MAN2A1: variants seen among roughly 807,000 people sequenced by gnomAD.
The protein encoded by MAN2A1 is mannosidase alpha class 2A member 1.
In MAN2A1, 76 loss-of-function variants were observed where a neutral mutation model predicts 142.6. The ratio of observed to expected loss-of-function variants is 0.53; its 90% confidence interval spans 0.44 to 0.65. MAN2A1 has a LOEUF of 0.65. MAN2A1 is among the 30% of genes least tolerant of loss of function. The probability of loss-of-function intolerance (pLI) is 0.00; values close to 1 mark genes in which losing one functional copy is unlikely to be tolerated. For synonymous variants in MAN2A1, 559 were observed against 473.2 expected, an observed-to-expected ratio of 1.18 and a Z score of -2.35; for missense variants, 1,311 against 1,365.1, an observed-to-expected ratio of 0.96 and a Z score of 0.62.
At chr5:109,731,768 A>G (rs1751920173) in intron 4 of MAN2A1, among the ~76,000 whole-genome samples, 1 of 151,674 alleles carries the variant, frequency 6.6e-6, no homozygotes, top group Non-Finnish European at 1.5e-5. Context: ...TCATTGTTGG[A>G]CATTTGGATT....
chr5:109,842,414 G>A lies in MAN2A1; in HGVS notation c.2653G>A (p.Asp885Asn), dbSNP rs145282122. The A allele has an allele frequency of 6.3e-6, 10 of 1,587,686 alleles. No homozygotes were observed. The African/African-American group carries it at 1.2e-4, about 19-fold the overall frequency. The change falls in exon 17 of 22, where the codon GAT (aspartate) becomes AAT (asparagine). Residue 885 changes from aspartate (D) to asparagine (N), a missense_variant. Physicochemically the swap from Asp to Asn is conservative, Grantham distance 23 (BLOSUM62 1). Transcript: ENST00000261483. ...TGAGATTGCAATGAAAATTTCTTCT[G>A]ATATAAAAAGCCAAAATAGATTTTA... The part of the protein sequence containing the change: ...NREIAMKISS[D>N]IKSQNRFYTD...
intron 3 of MAN2A1, among the ~76,000 whole-genome samples, chr5:109,727,656 C>A (rs1751783039): frequency 1.3e-5 from 2 of 152,014 alleles, no homozygotes; most frequent in South Asian, 4.2e-4. Context: ...TTTTTATTTC[C>A]CCTTTACCTA....
intron 4 of MAN2A1, among the ~76,000 whole-genome samples, chr5:109,747,129 C>T (rs1752429227): frequency 2.0e-5 from 3 of 152,120 alleles, no homozygotes; most frequent in Non-Finnish European, 2.9e-5. Flanking sequence ...TATGAGTGTG[C>T]AGATATCTGT....
chr5:109,694,081 G>A (rs980256978), intron 1 of MAN2A1, among the ~76,000 whole-genome samples: 2 of 152,200 alleles, frequency 1.3e-5, no homozygotes, highest in African/African-American at 4.8e-5. Context: ...TAATTAGTCT[G>A]ATGTTTGGAT....
intron 16 of MAN2A1, among the ~76,000 whole-genome samples, chr5:109,829,635 C>G (rs890227420): frequency 1.3e-5 from 2 of 152,158 alleles, no homozygotes; most frequent in African/African-American, 4.8e-5. Flanking sequence ...ATTCCATCTC[C>G]TGTTACAATT....
intron 3 of MAN2A1, among the ~76,000 whole-genome samples, chr5:109,718,160 AGTGAT>A (rs1425840843): frequency 2.6e-4 from 40 of 152,244 alleles, no homozygotes; most frequent in African/African-American, 9.6e-4. Context: ...TAATTGGGAG[AGTGAT>A]GTGATTCCAT....
At chr5:109,727,388 T>A (rs1461379770) in intron 3 of MAN2A1, among the ~76,000 whole-genome samples, 1 of 152,072 alleles carries the variant, frequency 6.6e-6, no homozygotes, top group East Asian at 1.9e-4. Flanking sequence ...TATAAGTACA[T>A]CAATAGTCAT....
intron 5 of MAN2A1, among the ~76,000 whole-genome samples, chr5:109,762,867 T>C (rs1223040025): frequency 1.3e-5 from 2 of 152,174 alleles, no homozygotes; most frequent in African/African-American, 2.4e-5. Flanking sequence ...TTGAATTGGC[T>C]TTATTAAGCA....
intron 12 of MAN2A1, among the ~76,000 whole-genome samples, chr5:109,791,987 T>C (rs758806686): frequency 5.9e-5 from 9 of 152,162 alleles, no homozygotes; most frequent in Non-Finnish European, 1.3e-4. Flanking sequence ...ATATGCCTAA[T>C]TTAGTTCACA....
chr5:109,807,369 A>G (rs536612285), intron 12 of MAN2A1, among the ~76,000 whole-genome samples: 14 of 152,322 alleles, frequency 9.2e-5, no homozygotes, highest in African/African-American at 3.4e-4. Context: ...ATAAATTACC[A>G]ACAAACTTAA....
At chr5:109,846,359 C>T (rs549631023) in intron 18 of MAN2A1, among the ~76,000 whole-genome samples, 57 of 152,238 alleles carry the variant, frequency 3.7e-4, no homozygotes, top group African/African-American at 1.2e-3. Flanking sequence ...AAGTTGCCTA[C>T]GTTTGCAAAG....
chr5:109,820,317 T>G lies in MAN2A1; in HGVS notation c.2426T>G (p.Leu809Arg), dbSNP rs1171150779. ...TIKRDKSGAY[L>R]FLPDGNAKPY... ...AAAAGAGACAAAAGTGGTGCCTACC[T>G]CTTCTTACCTGATGGTAATGCCAAG... is the stretch of plus-strand genomic sequence containing the variant. The change falls in exon 15 of 22, where the codon CTC (leucine) becomes CGC (arginine). Residue 809 changes from leucine (L) to arginine (R), a missense_variant. This residue lies in a region of MAN2A1 where 890 missense variants were observed against 920.5 expected (regional missense o/e 0.97). Coordinates refer to ENST00000261483, the MANE Select transcript of MAN2A1 (RefSeq NM_002372.4). 14 of 1,613,050 alleles carry G rather than the reference T, an allele frequency of 8.7e-6. No individual in the cohort carries two copies. Among genetic ancestry groups the G allele is most frequent in the Non-Finnish European group, 1.1e-5 (13 of 1,179,466 alleles).
chr5:109,755,129 G>C (rs901052390), intron 4 of MAN2A1, among the ~76,000 whole-genome samples, 200 bp from the exon 5 acceptor site: 5 of 152,298 alleles, frequency 3.3e-5, no homozygotes, highest in African/African-American at 9.6e-5. Flanking sequence ...CTGCAGAAGG[G>C]CAGGGGTTAC....
intron 4 of MAN2A1, among the ~76,000 whole-genome samples, chr5:109,735,372 A>G (rs1258568860): frequency 1.3e-5 from 2 of 152,254 alleles, no homozygotes; most frequent in Admixed American, 6.5e-5. Context: ...GTCTATTTAC[A>G]TTTAAAGTTA....
chr5:109,808,147 T>C (rs1754220669), intron 12 of MAN2A1, among the ~76,000 whole-genome samples: 1 of 152,230 alleles, frequency 6.6e-6, no homozygotes, highest in Non-Finnish European at 1.5e-5. Context: ...GGTAGTGGCC[T>C]GTATATCTTG....
At chr5:109,696,225 C>T (rs930408979) in intron 1 of MAN2A1, among the ~76,000 whole-genome samples, 3 of 151,980 alleles carry the variant, frequency 2.0e-5, no homozygotes, top group South Asian at 2.1e-4. Context: ...CTCAGCCTCC[C>T]GAGTAGCTGG....
chr5:109,794,463 A>G (rs935522421), intron 12 of MAN2A1, among the ~76,000 whole-genome samples: 12 of 152,304 alleles, frequency 7.9e-5, no homozygotes, highest in Middle Eastern at 3.4e-3. Context: ...CAGTAAGATT[A>G]AAGGTTTTCT....
At chr5:109,699,926 A>G (rs1181758584) in intron 1 of MAN2A1, 1 of 152,248 alleles carries the variant, frequency 6.6e-6, no homozygotes, top group Non-Finnish European at 1.5e-5. Context: ...CATGCAGTAT[A>G]TGTCAGGTAG....
chr5:109,851,328 G>C (rs1755475968), intron 19 of MAN2A1, among the ~76,000 whole-genome samples: 1 of 152,182 alleles, frequency 6.6e-6, no homozygotes, highest in African/African-American at 2.4e-5. Flanking sequence ...GCATTGCCAG[G>C]GTTTGAATGT....
Sources: allele counts gnomAD v4.1 joint callset (sites outside exome capture counted in the v4.1 genomes callset), GRCh38; gene constraint gnomAD v4.1.1; regional missense constraint gnomAD v4.1.1; transcripts MANE v1.5; gene names NCBI Gene and HGNC (gene_info 2026-07-23, HGNC 2026-07-21).